ZMIZ1: variants seen among roughly 807,000 people sequenced by gnomAD.
ZMIZ1 encodes zinc finger MIZ-type containing 1.
In ZMIZ1, 17 loss-of-function variants were observed where a neutral mutation model predicts 113.9. That is an observed-to-expected ratio of 0.15 (90% CI 0.10 to 0.22). The LOEUF (loss-of-function observed/expected upper bound fraction) is 0.22, where lower values mean the gene tolerates loss of function less well. ZMIZ1 is among the 10% of genes least tolerant of loss of function. ZMIZ1 has a pLI of 1.00. For synonymous variants in ZMIZ1, 607 were observed against 603.1 expected (o/e 1.01, Z -0.09); for missense variants, 1,059 against 1,477.8 (o/e 0.72, Z 4.65).
At chr10:79,157,734 G>A (rs139194470) in intron 3 of ZMIZ1, among the ~76,000 whole-genome samples, 48 of 152,326 alleles carry the variant, frequency 3.2e-4, no homozygotes, top group African/African-American at 1.2e-3. Flanking sequence ...CAGGAATGCA[G>A]GAGGCGGGGC....
chr10:79,312,703 C>T lies in ZMIZ1; in HGVS notation c.3158C>T (p.Pro1053Leu), dbSNP rs1300598426. The T allele has an allele frequency of 1.2e-6, 2 of 1,614,202 alleles. No homozygotes were observed. The highest frequency in any genetic ancestry group is 1.7e-5 in the Admixed American group (1 of 60,032). Residue 1053 changes from proline (P) to leucine (L), a missense_variant, in exon 25 of 25, where the codon CCG becomes CTG. Around this residue, in one of 6 missense-constraint regions of ZMIZ1, gnomAD observed 225 missense variants for 276.0 expected, o/e 0.82. Transcript: ENST00000334512. Reference sequence around the variant, plus strand: ...TCTTATCTGGACCCCCCCGACCTGCCGAGCAATAGTAACGATGACCTCCTG... The same window carrying T: ...TCTTATCTGGACCCCCCCGACCTGCTGAGCAATAGTAACGATGACCTCCTG... ...LLSYLDPPDL[P>L]SNSNDDLLSL... is the part of the protein sequence containing the mutation.
intron 7 of ZMIZ1, among the ~76,000 whole-genome samples, chr10:79,223,295 G>A (rs531502158): frequency 3.3e-5 from 5 of 152,370 alleles, no homozygotes; most frequent in Admixed American, 6.5e-5. Flanking sequence ...ACCAGCTGCC[G>A]GTGCCCCAGA....
At chr10:79,075,768 A>G (rs1035561438) in intron 1 of ZMIZ1, among the ~76,000 whole-genome samples, 10 of 152,226 alleles carry the variant, frequency 6.6e-5, no homozygotes, top group African/African-American at 1.9e-4. Context: ...CTCTGATTCA[A>G]TGCAGATCAG....
intron 1 of ZMIZ1, among the ~76,000 whole-genome samples, chr10:79,070,369 G>A (rs1842222951): frequency 1.3e-5 from 2 of 152,156 alleles, no homozygotes; most frequent in African/African-American, 4.8e-5. Context: ...GCGAGGGGCG[G>A]CCGCCTTCCC....
At chr10:79,184,426 C>G (rs1847263513) in intron 4 of ZMIZ1, among the ~76,000 whole-genome samples, 1 of 152,206 alleles carries the variant, frequency 6.6e-6, no homozygotes, top group African/African-American at 2.4e-5. Context: ...CCTCAATTCC[C>G]TCTATTGAGG....
intron 8 of ZMIZ1, among the ~76,000 whole-genome samples, chr10:79,288,271 C>T (rs1000961677): frequency 1.2e-4 from 18 of 152,226 alleles, no homozygotes; most frequent in African/African-American, 3.6e-4. Context: ...CCGCCTCCCT[C>T]TGGGAAGTCC....
chr10:79,177,806 A>T (rs1710117946), intron 4 of ZMIZ1, among the ~76,000 whole-genome samples: 1 of 152,206 alleles, frequency 6.6e-6, no homozygotes, highest in South Asian at 2.1e-4. Flanking sequence ...TGCTGCAGAA[A>T]GTCTGGAAGT....
intron 1 of ZMIZ1, among the ~76,000 whole-genome samples, chr10:79,106,461 C>T (rs1356753497): frequency 6.6e-6 from 1 of 152,232 alleles, no homozygotes; most frequent in African/African-American, 2.4e-5. Context: ...CCTGGGGGTA[C>T]ACAGGCCTTT....
intron 7 of ZMIZ1, among the ~76,000 whole-genome samples, chr10:79,244,857 C>T (rs1051816461): frequency 6.6e-6 from 1 of 152,166 alleles, no homozygotes; most frequent in Non-Finnish European, 1.5e-5. Flanking sequence ...GGCTCCGGCT[C>T]CCCCAGTTAT....
At chr10:79,289,384 T>C (rs1184387575) in intron 8 of ZMIZ1, among the ~76,000 whole-genome samples, 2 of 151,648 alleles carry the variant, frequency 1.3e-5, no homozygotes, top group African/African-American at 4.9e-5. Flanking sequence ...GTTCCAAGGG[T>C]AAGGTGGTTT....
intron 1 of ZMIZ1, among the ~76,000 whole-genome samples, chr10:79,074,540 C>G (rs1842406704): frequency 6.6e-6 from 1 of 152,234 alleles, no homozygotes; most frequent in Admixed American, 6.5e-5. Flanking sequence ...CATGGGGCTT[C>G]ATGCCCTTCT....
At chr10:79,269,961 C>T (rs1303703757) in intron 7 of ZMIZ1, among the ~76,000 whole-genome samples, 2 of 152,210 alleles carry the variant, frequency 1.3e-5, no homozygotes, top group African/African-American at 4.8e-5. Context: ...ACATGTAGAT[C>T]CACCCTCCTC....
rs1488853073 is a variant in ZMIZ1, at chr10:79,314,929, C to G, written c.*2180C>G. 1 of 152,686 alleles carries G rather than the reference C, an allele frequency of 6.5e-6. No individual in the cohort carries two copies. The highest frequency in any genetic ancestry group is 1.5e-5 in the Non-Finnish European group (1 of 68,242). The allele number at this position is 152,686 out of a possible 1,614,324, so 9.5% of individuals were successfully genotyped here. A position where few individuals can be genotyped will look rare whatever the true frequency, so the allele number is the denominator to read the frequency against. On this transcript the variant is annotated 3_prime_UTR_variant, in exon 25 of 25. Coordinates refer to ENST00000334512, the MANE Select transcript of ZMIZ1 (RefSeq NM_020338.4). ...GGGAATTAAGCTCCAGACAGACTTA[C>G]AGATGCCTTCCTTAGGAGTTCTTGC...
chr10:79,105,517 C>T (rs1843523782), intron 1 of ZMIZ1, among the ~76,000 whole-genome samples: 1 of 152,194 alleles, frequency 6.6e-6, no homozygotes, highest in African/African-American at 2.4e-5. Flanking sequence ...TCATGTTAAT[C>T]AGGACTGAGA....
At chr10:79,132,813 C>A (rs113125176) in intron 2 of ZMIZ1, among the ~76,000 whole-genome samples, 2 of 152,186 alleles carry the variant, frequency 1.3e-5, no homozygotes, top group African/African-American at 4.8e-5. Flanking sequence ...AAGATGGGCC[C>A]CTCACCCCTG....
chr10:79,139,330 C>A (rs1267883127), intron 2 of ZMIZ1, among the ~76,000 whole-genome samples: 2 of 152,154 alleles, frequency 1.3e-5, no homozygotes, highest in Non-Finnish European at 2.9e-5. Context: ...GCTAAAAATA[C>A]CCCCGACAGC....
At chr10:79,286,732 G>A (rs192856828) in intron 8 of ZMIZ1, among the ~76,000 whole-genome samples, 61 of 152,368 alleles carry the variant, frequency 4.0e-4, no homozygotes, top group African/African-American at 1.3e-3. Context: ...GCTGGTTTCC[G>A]CCCACAAGGC....
At chr10:79,146,463 TA>T (rs1384431662) in intron 3 of ZMIZ1, among the ~76,000 whole-genome samples, 1 of 152,192 alleles carries the variant, frequency 6.6e-6, no homozygotes, top group Non-Finnish European at 1.5e-5. Flanking sequence ...AAGGCTATAA[TA>T]TACCATGGAC....
chr10:79,075,354 G>C (rs1274863225), intron 1 of ZMIZ1, among the ~76,000 whole-genome samples: 1 of 152,218 alleles, frequency 6.6e-6, no homozygotes, highest in Non-Finnish European at 1.5e-5. Flanking sequence ...GAGCATCAAA[G>C]ACTAGTGGTC....
Sources: gnomAD v4.1 joint callset for allele counts (sites outside exome capture counted in the v4.1 genomes callset) on GRCh38, gnomAD v4.1.1 for gene constraint, gnomAD v4.1.1 regional missense constraint, MANE v1.5 for transcripts, NCBI Gene and HGNC (gene_info 2026-07-23, HGNC 2026-07-21) for gene names.